The following NAALADL2 variants were observed in gnomAD, a reference collection of about 807,000 sequenced individuals.
The protein encoded by NAALADL2 is inactive N-acetylated-alpha-linked acidic dipeptidase-like protein 2.
In NAALADL2, 76 loss-of-function variants were observed where a neutral mutation model predicts 87.2. The observed-to-expected ratio is 0.87, with a 90% CI of 0.72 to 1.05. The LOEUF is 1.05. Ranked by LOEUF, NAALADL2 falls within the 50% of genes least tolerant of loss-of-function variation. The probability of loss-of-function intolerance (pLI) is 0.00; values close to 1 mark genes in which losing one functional copy is unlikely to be tolerated. For synonymous variants in NAALADL2, 354 were observed against 331.0 expected, an observed-to-expected ratio of 1.07 and a Z score of -0.75; for missense variants, 1,089 against 945.8, an observed-to-expected ratio of 1.15 and a Z score of -1.99.
chr3:175,061,154 G>T (rs1333640145), intron 1 of NAALADL2, among the ~76,000 whole-genome samples: 1 of 151,984 alleles, frequency 6.6e-6, no homozygotes, highest in Non-Finnish European at 1.5e-5. Context: ...TGGAATATGA[G>T]ATATTTAAGA....
At chr3:174,801,999 A>T (rs556349945) in intron 3 of NAALADL2, among the ~76,000 whole-genome samples, 1 of 152,140 alleles carries the variant, frequency 6.6e-6, no homozygotes. Context: ...ATCTGTGAAT[A>T]TTTTTACCCA....
intron 5 of NAALADL2, among the ~76,000 whole-genome samples, chr3:175,352,651 G>A (rs1763899538): frequency 6.6e-6 from 1 of 152,174 alleles, no homozygotes; most frequent in Admixed American, 6.6e-5. Context: ...TGCCTTAATA[G>A]TAAGCAATTT....
At chr3:174,871,135 T>C (rs747020162) in intron 1 of NAALADL2, among the ~76,000 whole-genome samples, 41 of 152,232 alleles carry the variant, frequency 2.7e-4, no homozygotes, top group Admixed American at 9.8e-4. Flanking sequence ...TAAAGAAATA[T>C]AGATTTACCT....
At chr3:174,688,549 C>A (rs959390583) in intron 2 of NAALADL2, among the ~76,000 whole-genome samples, 2 of 151,966 alleles carry the variant, frequency 1.3e-5, no homozygotes, top group Admixed American at 1.3e-4. Context: ...ATATAGAAAG[C>A]AGTATCTTTC....
At chr3:175,313,407 C>T (rs1581375215) in intron 4 of NAALADL2, among the ~76,000 whole-genome samples, 1 of 152,122 alleles carries the variant, frequency 6.6e-6, no homozygotes, top group African/African-American at 2.4e-5. Flanking sequence ...GCTATAGAGG[C>T]CAGGTGGACA....
At chr3:175,657,134 A>G (rs1234187662) in intron 11 of NAALADL2, among the ~76,000 whole-genome samples, 1 of 152,178 alleles carries the variant, frequency 6.6e-6, no homozygotes, top group Non-Finnish European at 1.5e-5. Flanking sequence ...AAAATGCCAG[A>G]TATTTTTCCC....
chr3:174,905,937 C>T (rs1204634187), intron 1 of NAALADL2, among the ~76,000 whole-genome samples: 1 of 152,060 alleles, frequency 6.6e-6, no homozygotes, highest in Non-Finnish European at 1.5e-5. Context: ...TTTGTTTACA[C>T]ACAGGTAATG....
intron 3 of NAALADL2, among the ~76,000 whole-genome samples, chr3:174,792,358 G>A (rs941820977): frequency 6.6e-6 from 1 of 152,134 alleles, no homozygotes; most frequent in Non-Finnish European, 1.5e-5. Context: ...TACTGATTTT[G>A]TTATTTTCAA....
Position 175,097,288 on chromosome 3 carries a change from T to A in NAALADL2, c.542T>A (p.Phe181Tyr). The A allele has an allele frequency of 6.2e-7, 1 of 1,605,052 alleles. No homozygotes were observed. Among genetic ancestry groups the A allele is most frequent in the Non-Finnish European group, 8.5e-7 (1 of 1,175,202 alleles). ...TIQAEDIKKS[F>Y]RNLVQLYKNE... ...CAGGCAGAAGATATTAAGAAGTCTT[T>A]CAGGTAGGTGAAGAAGAAACAGATG... is the stretch of plus-strand genomic sequence containing the variant. The change falls in exon 2 of 14, where the codon TTC (phenylalanine) becomes TAC (tyrosine). Residue 181 changes from phenylalanine (F) to tyrosine (Y), a missense_variant. By Grantham distance (22) the Phe-to-Tyr change is conservative. Transcript: ENST00000454872.
At chr3:175,112,056 A>C (rs961444639) in intron 2 of NAALADL2, among the ~76,000 whole-genome samples, 1 of 151,644 alleles carries the variant, frequency 6.6e-6, no homozygotes, top group Non-Finnish European at 1.5e-5. Context: ...AAATGCATAA[A>C]TACATAAATA....
chr3:175,181,767 G>GTGTATA, intron 2 of NAALADL2, among the ~76,000 whole-genome samples: 1 of 121,052 alleles, frequency 8.3e-6, no homozygotes, highest in African/African-American at 3.2e-5. Flanking sequence ...GTGTATATAT[G>GTGTATA]TGTGTATATA....
chr3:174,978,721 G>A (rs1744700540), intron 1 of NAALADL2, among the ~76,000 whole-genome samples: 1 of 152,216 alleles, frequency 6.6e-6, no homozygotes, highest in African/African-American at 2.4e-5. Context: ...GTACTTAAAT[G>A]TGATTAAACA....
intron 1 of NAALADL2, among the ~76,000 whole-genome samples, chr3:174,968,348 T>C (rs903891254): frequency 1.4e-4 from 21 of 152,170 alleles, no homozygotes; most frequent in African/African-American, 5.1e-4. Context: ...CTGTGTGACC[T>C]AGAGACTGTT....
At chr3:175,670,999 A>C (rs548014432) in intron 11 of NAALADL2, among the ~76,000 whole-genome samples, 1 of 151,564 alleles carries the variant, frequency 6.6e-6, no homozygotes, top group African/African-American at 2.4e-5. Context: ...GTTGTAAAAA[A>C]AAATAATAAT....
chr3:174,977,085 G>A (rs1428317681), intron 1 of NAALADL2, among the ~76,000 whole-genome samples: 1 of 152,152 alleles, frequency 6.6e-6, no homozygotes, highest in Non-Finnish European at 1.5e-5. Flanking sequence ...CAAATAGGAT[G>A]TAAAAATATG....
At chr3:175,768,037 C>T (rs1298144927) in intron 13 of NAALADL2, among the ~76,000 whole-genome samples, 3 of 152,168 alleles carry the variant, frequency 2.0e-5, no homozygotes, top group Non-Finnish European at 4.4e-5. Context: ...GTCCCTGGAT[C>T]TTAAAAGAAC....
At chr3:174,880,802 T>G (rs902792351) in intron 1 of NAALADL2, among the ~76,000 whole-genome samples, 9 of 152,158 alleles carry the variant, frequency 5.9e-5, no homozygotes, top group South Asian at 4.1e-4. Context: ...AGATGCTTAT[T>G]TTCTCATAAT....
At chr3:175,087,535 A>G (rs995694372) in intron 1 of NAALADL2, among the ~76,000 whole-genome samples, 4 of 152,248 alleles carry the variant, frequency 2.6e-5, no homozygotes, top group African/African-American at 7.2e-5. Context: ...AGAAGTAGAC[A>G]TAGGAGACTC....
At chr3:174,956,870 G>C (rs932748438) in intron 1 of NAALADL2, among the ~76,000 whole-genome samples, 2 of 152,024 alleles carry the variant, frequency 1.3e-5, no homozygotes, top group African/African-American at 4.8e-5. Flanking sequence ...AAACAGAACA[G>C]TATTTTGCAG....
Sources: gnomAD v4.1 joint callset for allele counts (sites outside exome capture counted in the v4.1 genomes callset) on GRCh38, gnomAD v4.1.1 for gene constraint, MANE v1.5 for transcripts, NCBI Gene and HGNC (gene_info 2026-07-23, HGNC 2026-07-21) for gene names.